MSANTD5: variants seen among roughly 807,000 people sequenced by gnomAD.
The protein encoded by MSANTD5 is uncharacterized protein MSANTD5.
exon 3 of MSANTD5, chr5:178,695,342 A>G (rs1046963358): frequency 6.6e-6 from 1 of 152,248 alleles, no homozygotes; most frequent in Non-Finnish European, 1.5e-5. Flanking sequence ...GGGCCTCACC[A>G]TAAGGACATG....
At chr5:178,703,054 C>T in the MSANTD5 span, among the ~76,000 whole-genome samples, 2 of 152,210 alleles carry the variant, frequency 1.3e-5, no homozygotes, top group Admixed American at 6.5e-5. Flanking sequence ...GAGAGAGCAC[C>T]CGAGAGAACA....
chr5:178,696,122 T>G (rs889102662), exon 2 of MSANTD5: 2 of 152,204 alleles, frequency 1.3e-5, no homozygotes, highest in Non-Finnish European at 2.9e-5. Context: ...ATCCCTGGGC[T>G]GTGTTTTCCT....
At chr5:178,693,027 C>T (rs556432839), downstream of MSANTD5, among the ~76,000 whole-genome samples, 3 of 152,004 alleles carry the variant, frequency 2.0e-5, no homozygotes, top group East Asian at 1.9e-4. Flanking sequence ...AATAAGACCA[C>T]GGGCTGGGTT....
At chr5:178,692,153 G>A (rs1765363216), downstream of MSANTD5, among the ~76,000 whole-genome samples, 5 of 134,094 alleles carry the variant, frequency 3.7e-5, no homozygotes, top group Admixed American at 3.8e-4. Flanking sequence ...GCCGAGGTGG[G>A]TGGACCACCT....
chr5:178,698,405 T>A (rs1765442279), upstream of MSANTD5, among the ~76,000 whole-genome samples: 1 of 151,334 alleles, frequency 6.6e-6, no homozygotes, highest in Non-Finnish European at 1.5e-5. Context: ...AGGTTGCTTT[T>A]TGGCTTCAGA....
intron 1 of MSANTD5, among the ~76,000 whole-genome samples, chr5:178,696,816 C>G (rs1765417614): frequency 1.3e-5 from 2 of 151,824 alleles, no homozygotes; most frequent in African/African-American, 4.8e-5. Context: ...GAGAGGGAAG[C>G]AGAGAGAGCT....
At chr5:178,703,662 A>G in the MSANTD5 span, among the ~76,000 whole-genome samples, 1 of 152,142 alleles carries the variant, frequency 6.6e-6, no homozygotes, top group South Asian at 2.1e-4. Flanking sequence ...ATGAGAGAGT[A>G]ATTTGACAGT....
upstream of MSANTD5, among the ~76,000 whole-genome samples, chr5:178,700,727 T>C (rs1561610575): frequency 7.0e-6 from 1 of 143,670 alleles, no homozygotes; most frequent in Non-Finnish European, 1.6e-5. Context: ...TAATCCGGGC[T>C]GAGAGGCTGA....
chr5:178,702,313 T>C (rs998416138), upstream of MSANTD5, among the ~76,000 whole-genome samples: 4 of 147,820 alleles, frequency 2.7e-5, no homozygotes, highest in African/African-American at 7.5e-5. Context: ...TTTTTTTTTT[T>C]TTTTTGACAT....
upstream of MSANTD5, among the ~76,000 whole-genome samples, chr5:178,700,120 C>A (rs1554092754): frequency 6.6e-6 from 1 of 152,180 alleles, no homozygotes; most frequent in Non-Finnish European, 1.5e-5. Flanking sequence ...ATCAGGCCCG[C>A]TCCTCCTGCA....
downstream of MSANTD5, among the ~76,000 whole-genome samples, chr5:178,694,186 G>A (rs370522728): frequency 4.0e-3 from 612 of 151,626 alleles, 6 homozygotes; most frequent in African/African-American, 0.014. Flanking sequence ...GCATGGTGGC[G>A]GGCGCCTGTA....
chr5:178,696,563 T>C (rs1765415185), intron 1 of MSANTD5, among the ~76,000 whole-genome samples: 1 of 152,040 alleles, frequency 6.6e-6, no homozygotes, highest in Admixed American at 6.6e-5. Context: ...AGATGAACGA[T>C]ATGAACCCAG....
upstream of MSANTD5, among the ~76,000 whole-genome samples, chr5:178,702,301 C>CTTT (rs372575693): frequency 6.0e-5 from 8 of 133,364 alleles, no homozygotes; most frequent in East Asian, 2.1e-4. Context: ...CTTTTTTTTT[C>CTTT]TTTTTTTTTT....
At chr5:178,698,836 C>T (rs1310294047), upstream of MSANTD5, among the ~76,000 whole-genome samples, 26 of 149,388 alleles carry the variant, frequency 1.7e-4, no homozygotes, top group Admixed American at 1.7e-3. Context: ...AGCAATCCTC[C>T]TGCCTCGGCC....
intron 1 of MSANTD5, among the ~76,000 whole-genome samples, chr5:178,697,258 T>C (rs931227525): frequency 5.4e-5 from 8 of 149,328 alleles, no homozygotes; most frequent in Non-Finnish European, 7.5e-5. Flanking sequence ...ATCGAGACCA[T>C]CCTGGCTAAC....
intron 1 of MSANTD5, among the ~76,000 whole-genome samples, chr5:178,696,629 A>G (rs944967695): frequency 6.6e-6 from 1 of 152,104 alleles, no homozygotes; most frequent in South Asian, 2.1e-4. Flanking sequence ...GCAGGAAACA[A>G]GGGTTGGGGC....
upstream of MSANTD5, among the ~76,000 whole-genome samples, chr5:178,702,276 T>A (rs1296702778): frequency 6.6e-6 from 1 of 150,924 alleles, no homozygotes; most frequent in Non-Finnish European, 1.5e-5. Flanking sequence ...AGAGAATACG[T>A]GGCAATTTTT....
intron 1 of MSANTD5, among the ~76,000 whole-genome samples, chr5:178,697,247 G>A (rs4380684): frequency 0.21 from 31,702 of 150,692 alleles, 3,725 homozygotes; most frequent in African/African-American, 0.3. Context: ...GAGGTCAGGA[G>A]ATCGAGACCA....
downstream of MSANTD5, among the ~76,000 whole-genome samples, chr5:178,693,453 A>G (rs1765377114): frequency 6.6e-6 from 1 of 151,970 alleles, no homozygotes; most frequent in Non-Finnish European, 1.5e-5. Context: ...TCCTTCAGAT[A>G]TGTCCGGAGT....
Sources: allele counts gnomAD v4.1 joint callset (sites outside exome capture counted in the v4.1 genomes callset), GRCh38; gene constraint gnomAD v4.1.1; transcripts MANE v1.5; gene names NCBI Gene and HGNC (gene_info 2026-07-23, HGNC 2026-07-21).